ZNF831: variants seen among roughly 807,000 people sequenced by gnomAD.
ZNF831 encodes zinc finger protein 831, also known as chromosome 20 open reading frame 174.
ZNF831 carries 59 observed loss-of-function variants against 95.8 expected under a neutral mutation model. That is an observed-to-expected ratio of 0.62 (90% CI 0.50 to 0.77). The LOEUF (loss-of-function observed/expected upper bound fraction) is 0.77, where lower values mean the gene tolerates loss of function less well. Ranked by LOEUF, ZNF831 falls within the 30% of genes least tolerant of loss-of-function variation. The probability of loss-of-function intolerance (pLI) is 0.00; values close to 1 mark genes in which losing one functional copy is unlikely to be tolerated. For missense variants in ZNF831, 2,205 were observed against 2,164.0 expected (o/e 1.02, Z -0.38); for synonymous variants, 961 against 925.5 (o/e 1.04, Z -0.70).
Position 59,197,470 on chromosome 20 carries a change from G to A in ZNF831, c.3875+1465G>A, listed in dbSNP as rs142423936. On this transcript the variant is annotated intron_variant, in intron 3 of 5. Coordinates refer to ENST00000371030, the MANE Select transcript of ZNF831 (RefSeq NM_178457.3). ...TCCATAGCCTGTGTGCCAGCTAGTCGCTTGTCTTGGTGCACCCCAGCCTGT... is the reference window on the plus strand; with the variant it reads ...TCCATAGCCTGTGTGCCAGCTAGTCACTTGTCTTGGTGCACCCCAGCCTGT... 2.0e-4 allele frequency among the ~76,000 whole-genome samples: 31 copies of A among 152,242 alleles called. 1 individual carries two copies. The East Asian group carries it at 3.9e-3, about 19-fold the overall frequency.
Position 59,255,731 on chromosome 20 carries a change from A to G in ZNF831, c.*988A>G, listed in dbSNP as rs1408464365. 1 of 152,218 alleles carries G rather than the reference A, an allele frequency of 6.6e-6. No homozygotes were observed. Among genetic ancestry groups the G allele is most frequent in the Non-Finnish European group, 1.5e-5 (1 of 68,036 alleles). The allele number at this position is 152,218 out of a possible 1,614,324, so 9.4% of individuals were successfully genotyped here. A position where few individuals can be genotyped will look rare whatever the true frequency, so the allele number is the denominator to read the frequency against. ...GATTTCCTTCAGAAGCTTCAAGGAT[A>G]CAAAACTAATTGGAGTTTTGACGCT... On this transcript the variant is annotated 3_prime_UTR_variant, in exon 6 of 6. Coordinates refer to ENST00000371030, the MANE Select transcript of ZNF831 (RefSeq NM_178457.3).
intron 4 of ZNF831, among the ~76,000 whole-genome samples, chr20:59,211,572 C>T (rs1025004678): frequency 6.6e-6 from 1 of 152,150 alleles, no homozygotes; most frequent in African/African-American, 2.4e-5. Context: ...GTTTTATTAC[C>T]AGCACTTGCC....
chr20:59,126,630 A>G (rs6015444), intron 1 of ZNF831, among the ~76,000 whole-genome samples: 1,588 of 152,322 alleles, frequency 0.01, 15 homozygotes, highest in African/African-American at 0.036. Context: ...TCATTCAAAC[A>G]CACTGAAATT....
intron 1 of ZNF831, among the ~76,000 whole-genome samples, chr20:59,138,468 G>T (rs938744924): frequency 6.6e-6 from 1 of 152,184 alleles, no homozygotes; most frequent in South Asian, 2.1e-4. Flanking sequence ...CACTGTGCTT[G>T]TTTGCACCTC....
Position 59,257,523 on chromosome 20 carries a change from G to A in ZNF831, c.*2780G>A, listed in dbSNP as rs1255576450. On this transcript the variant is annotated 3_prime_UTR_variant, in exon 6 of 6. Coordinates refer to ENST00000371030, the MANE Select transcript of ZNF831 (RefSeq NM_178457.3). ...TACAATTATAAGAATACATTTTAAG[G>A]GTAACATTAACAACCTAGAACCCAG... 6.6e-6 allele frequency: 1 copy of A among 151,762 alleles called. No homozygotes were observed. The highest frequency in any genetic ancestry group is 1.5e-5 in the Non-Finnish European group (1 of 67,942). 9.4% of individuals were successfully genotyped at this position (151,762 alleles called of 1,614,324 possible). A position where few individuals can be genotyped will look rare whatever the true frequency, so the allele number is the denominator to read the frequency against.
At chr20:59,175,081 G>A (rs533019756) in intron 1 of ZNF831, among the ~76,000 whole-genome samples, 1 of 152,222 alleles carries the variant, frequency 6.6e-6, no homozygotes, top group South Asian at 2.1e-4. Flanking sequence ...CCAAGTTTCT[G>A]ATGAGAACCT....
At chr20:59,174,189 G>C (rs1204443615) in intron 1 of ZNF831, among the ~76,000 whole-genome samples, 4 of 152,172 alleles carry the variant, frequency 2.6e-5, no homozygotes, top group Non-Finnish European at 5.9e-5. Context: ...AACGGCCACT[G>C]TGTGTGGACT....
chr20:59,241,317 T>C (rs905524737), intron 4 of ZNF831, among the ~76,000 whole-genome samples: 1 of 152,108 alleles, frequency 6.6e-6, no homozygotes, highest in East Asian at 1.9e-4. Flanking sequence ...CCTCTATTTT[T>C]TTTTAATCAG....
intron 4 of ZNF831, among the ~76,000 whole-genome samples, chr20:59,214,768 T>A (rs1427481890): frequency 6.6e-6 from 1 of 152,244 alleles, no homozygotes; most frequent in East Asian, 1.9e-4. Flanking sequence ...GGTTACACAA[T>A]TTCTGATGAG....
chr20:59,185,055 A>C (rs931319825), intron 1 of ZNF831, among the ~76,000 whole-genome samples: 4 of 151,714 alleles, frequency 2.6e-5, no homozygotes, highest in Admixed American at 1.3e-4. Flanking sequence ...CAGGTGACCA[A>C]GGGGCTGTCC....
intron 4 of ZNF831, among the ~76,000 whole-genome samples, chr20:59,218,185 C>G (rs78701043): frequency 0.014 from 2,137 of 152,328 alleles, 30 homozygotes; most frequent in Middle Eastern, 0.065. Flanking sequence ...TTTCTCAGCC[C>G]TTCCTGGGTT....
chr20:59,162,430 A>G (rs1002230505), upstream of ZNF831, among the ~76,000 whole-genome samples: 4 of 152,130 alleles, frequency 2.6e-5, no homozygotes, highest in Admixed American at 1.3e-4. Context: ...TAATTTTTGT[A>G]TATATTGAGA....
At chr20:59,226,648 T>G (rs1234100450) in intron 4 of ZNF831, among the ~76,000 whole-genome samples, 1 of 150,952 alleles carries the variant, frequency 6.6e-6, no homozygotes, top group Non-Finnish European at 1.5e-5. Context: ...TACTGTAGTT[T>G]ATTAATCTAG....
chr20:59,249,745 TC>T (rs1987792041), intron 4 of ZNF831, among the ~76,000 whole-genome samples: 1 of 152,230 alleles, frequency 6.6e-6, no homozygotes, highest in Non-Finnish European at 1.5e-5. Context: ...CACTTGGTAA[TC>T]TAGTAACTTA....
chr20:59,196,563 A>G (rs926325607), intron 3 of ZNF831, among the ~76,000 whole-genome samples: 1 of 152,126 alleles, frequency 6.6e-6, no homozygotes, highest in Non-Finnish European at 1.5e-5. Context: ...CCTTTGCTTA[A>G]AACCCTTCAG....
upstream of ZNF831, among the ~76,000 whole-genome samples, chr20:59,162,797 A>G (rs988531177): frequency 6.6e-6 from 1 of 152,144 alleles, no homozygotes; most frequent in Non-Finnish European, 1.5e-5. Context: ...GTTCCATATG[A>G]ATTCTGGAAT....
rs1983568929 is a variant in ZNF831 at position 59,191,854 on chromosome 20, C to A, written c.835C>A (p.Pro279Thr). 6.2e-7 allele frequency: 1 copy of A among 1,613,302 alleles called. No individual in the cohort carries two copies. Among genetic ancestry groups the A allele is most frequent in the Non-Finnish European group, 8.5e-7 (1 of 1,179,986 alleles). The change falls in exon 2 of 6, where the codon CCT becomes ACT. Residue 279 changes from proline (P) to threonine (T), a missense_variant. Coordinates refer to ENST00000371030, the MANE Select transcript of ZNF831 (RefSeq NM_178457.3). ...GTCCGCATTTGCCGACAGAGAGGCT[C>A]CTTGGGACTCTGCCCCCATGGCGTC... ...PGSAFADREA[P>T]WDSAPMASPG... is the part of the protein sequence containing the mutation.
intron 4 of ZNF831, among the ~76,000 whole-genome samples, chr20:59,234,629 G>C (rs1600667184): frequency 6.6e-6 from 1 of 152,322 alleles, no homozygotes; most frequent in East Asian, 1.9e-4. Flanking sequence ...AAGGGTTTTA[G>C]AGACAGTCTA....
chr20:59,206,991 A>G lies in ZNF831; in HGVS notation c.3962A>G (p.His1321Arg). 6.2e-7 allele frequency: 1 copy of G among 1,614,066 alleles called. No individual in the cohort carries two copies. The highest frequency in any genetic ancestry group is 8.5e-7 in the Non-Finnish European group (1 of 1,180,008). Reference sequence around the variant, plus strand: ...ACCTGGGTGCGAAGAAGAAGCCGCCACCCTCCCGCACTTGAGGGACTGAAG... The same window carrying G: ...ACCTGGGTGCGAAGAAGAAGCCGCCGCCCTCCCGCACTTGAGGGACTGAAG... ...TPTWVRRRSR[H>R]PPALEGLKPC... The change falls in exon 4 of 6, where the codon CAC (histidine) becomes CGC (arginine). Residue 1321 changes from histidine to arginine, a missense_variant. Coordinates refer to ENST00000371030, the MANE Select transcript of ZNF831 (RefSeq NM_178457.3).
Sources: allele counts gnomAD v4.1 joint callset (sites outside exome capture counted in the v4.1 genomes callset), GRCh38; gene constraint gnomAD v4.1.1; transcripts MANE v1.5; gene names NCBI Gene and HGNC (gene_info 2026-07-23, HGNC 2026-07-21).